KRT38: variants seen among roughly 807,000 people sequenced by gnomAD.
The protein encoded by KRT38 is keratin, type I cuticular Ha8.
In KRT38, 45 loss-of-function variants were observed where a neutral mutation model predicts 43.1. That is an observed-to-expected ratio of 1.04 (90% confidence interval 0.82 to 1.34). KRT38 has a LOEUF of 1.34. Ranked by LOEUF, KRT38 falls within the 40% of genes most tolerant of loss-of-function variation. The probability of loss-of-function intolerance (pLI) is 0.00; values close to 1 mark genes in which losing one functional copy is unlikely to be tolerated. For synonymous variants in KRT38, 258 were observed against 244.0 expected (o/e 1.06, Z -0.53); for missense variants, 627 against 586.2 (o/e 1.07, Z -0.72).
At position 41,440,511 on chromosome 17, in the gene KRT38, G is replaced by A. The variant is rs769171660; in HGVS notation, c.411C>T (p.Leu137=). ...TGGACTCGTGGCACTTGCTCCTCTC[G>A]AGGAGTGTGGCCTCCAGCTCCGCAT... ...QENAELEATL[L]ERSKCHESTV... Residue 137 remains leucine (L), a synonymous_variant, in exon 1 of 7, where the codon CTC becomes CTT. Transcript: ENST00000246646. 23 of 1,614,082 alleles carry A rather than the reference G, an allele frequency of 1.4e-5. No individual in the cohort carries two copies. The highest frequency in any genetic ancestry group is 5.0e-5 in the Admixed American group (3 of 60,008).
At chr17:41,439,124 T>C (rs2018766301) in intron 3 of KRT38, 79 bp downstream of exon 3, 1 of 1,512,548 alleles carries the variant, frequency 6.6e-7, no homozygotes, top group East Asian at 2.4e-5. Flanking sequence ...GGCCAGGCAA[T>C]GCTCTGAGAG....
Position 41,440,514 on chromosome 17 carries a change from G to A in KRT38, c.408C>T (p.Leu136=). ...EQENAELEAT[L]LERSKCHEST... is the part of the protein sequence containing the mutation. ...ACTCGTGGCACTTGCTCCTCTCGAG[G>A]AGTGTGGCCTCCAGCTCCGCATTCT... Residue 136 remains leucine (L), a synonymous_variant, in exon 1 of 7, where the codon CTC becomes CTT. Coordinates refer to ENST00000246646, the MANE Select transcript of KRT38 (RefSeq NM_006771.4). 1.9e-6 allele frequency: 3 copies of A among 1,614,228 alleles called. No individual in the cohort carries two copies. The highest frequency in any genetic ancestry group is 2.5e-6 in the Non-Finnish European group (3 of 1,180,050).
chr17:41,438,930 C>T (rs910935191), intron 3 of KRT38, 72 bp from the exon 4 acceptor site: 2 of 1,548,396 alleles, frequency 1.3e-6, no homozygotes, highest in African/African-American at 2.7e-5. Context: ...AGCACCAGGA[C>T]CCCGCCCCTG....
chr17:41,438,453 G>A (rs773501158), intron 5 of KRT38, 38 bp downstream of exon 5: 33 of 1,613,880 alleles, frequency 2.0e-5, no homozygotes, highest in East Asian at 1.1e-4. Flanking sequence ...GCCATGGCAC[G>A]GGGCATTTGC....
rs1224227180 is a variant in KRT38, at chr17:41,440,565, C to G, written c.357G>C (p.Leu119=). The G allele has an allele frequency of 6.2e-7, 1 of 1,614,232 alleles. No individual in the cohort carries two copies. The highest frequency in any genetic ancestry group is 1.7e-5 in the Admixed American group (1 of 60,026). Residue 119 remains leucine, a synonymous_variant, in exon 1 of 7, where the codon CTG becomes CTC. Coordinates refer to ENST00000246646, the MANE Select transcript of KRT38 (RefSeq NM_006771.4). The part of the protein sequence containing the change: ...QFLNDRLANY[L]EKVRQLEQEN... ...CCTGCTCCAGCTGGCGCACCTTCTC[C>G]AGGTAGTTGGCCAGGCGGTCATTCA...
At chr17:41,438,959 G>T in intron 3 of KRT38, 101 bp from the exon 4 acceptor site, 1 of 1,417,258 alleles carries the variant, frequency 7.1e-7, no homozygotes, top group Non-Finnish European at 9.7e-7. Flanking sequence ...TAGGAGGGGA[G>T]TCCCACACAC....
At chr17:41,439,446 T>G (rs2018771367) in intron 2 of KRT38, 87 bp from the exon 3 acceptor site, 2 of 1,455,528 alleles carry the variant, frequency 1.4e-6, no homozygotes, top group Non-Finnish European at 1.9e-6. Flanking sequence ...CACACCACCT[T>G]GGATCCTCAT....
At chr17:41,438,946 C>A in intron 3 of KRT38, 88 bp from the exon 4 acceptor site, 2 of 1,498,686 alleles carry the variant, frequency 1.3e-6, no homozygotes, top group South Asian at 2.5e-5. Context: ...CCCTGGCAAG[C>A]AGTAGGAGGG....
rs751992904 is a variant in KRT38, at chr17:41,440,714, G to C, written c.208C>G (p.Pro70Ala). The stretch of plus-strand genomic sequence containing the variant: ...GGACAAGCAGTGTGGCAGGTAGGCG[G>C]CAGACAGAGGCTGGGGCGGCCCAGG... ...TPLGRPSLCL[P>A]PTCHTACPLP... The change falls in exon 1 of 7, where the codon CCG (proline) becomes GCG (alanine). Residue 70 changes from proline to alanine, a missense_variant. By Grantham distance (27) the Pro-to-Ala change is conservative. Coordinates refer to ENST00000246646, the MANE Select transcript of KRT38 (RefSeq NM_006771.4). 1 of 1,614,094 alleles carries C rather than the reference G, an allele frequency of 6.2e-7. No individual in the cohort carries two copies. The highest frequency in any genetic ancestry group is 1.1e-5 in the South Asian group (1 of 91,092).
chr17:41,438,387 T>C (rs1466581099), intron 5 of KRT38, 74 bp from the exon 6 acceptor site: 4 of 1,603,832 alleles, frequency 2.5e-6, no homozygotes, highest in East Asian at 2.2e-5. Flanking sequence ...ATTTTGATGG[T>C]GATAACAGGT....
At position 41,440,702 on chromosome 17, in the gene KRT38, G is replaced by A. The variant is rs764123739; in HGVS notation, c.220C>T (p.His74Tyr). 10 of 1,614,224 alleles carry A rather than the reference G, an allele frequency of 6.2e-6. No individual in the cohort carries two copies. In the East Asian group the frequency reaches 2.0e-4, roughly 32 times the overall value. Residue 74 changes from histidine (H) to tyrosine (Y), a missense_variant, in exon 1 of 7, where the codon CAC becomes TAC. Physicochemically the swap from His to Tyr is moderately conservative, Grantham distance 83. Transcript: ENST00000246646. ...GTCCCTGGCAAGGGACAAGCAGTGT[G>A]GCAGGTAGGCGGCAGACAGAGGCTG... ...RPSLCLPPTC[H>Y]TACPLPGTCH... is the part of the protein sequence containing the mutation.
At position 41,440,855 on chromosome 17, in the gene KRT38, C is replaced by T. The variant is rs1319204702; in HGVS notation, c.67G>A (p.Val23Ile). 6 of 1,586,788 alleles carry T rather than the reference C, an allele frequency of 3.8e-6. No homozygotes were observed. The highest frequency in any genetic ancestry group is 5.1e-6 in the Non-Finnish European group (6 of 1,167,062). ...GCTMAPGARN[V>I]SVSPIDIGCQ... is the part of the protein sequence containing the mutation. ...CCAATGTCGATGGGAGAGACAGAGA[C>T]ATTTCTTGCTCCAGGAGCCATGGTG... The change falls in exon 1 of 7, where the codon GTC becomes ATC. Residue 23 changes from valine to isoleucine, a missense_variant. Coordinates refer to ENST00000246646, the MANE Select transcript of KRT38 (RefSeq NM_006771.4).
At position 41,438,689 on chromosome 17, in the gene KRT38, C is replaced by G. The variant is rs201570862; in HGVS notation, c.894+8G>C. 994 of 1,613,748 alleles carry G rather than the reference C, an allele frequency of 6.2e-4. 10 individuals carry two copies. The South Asian group carries it at 9.9e-3, about 16-fold the overall frequency. On this transcript the variant is annotated splice_region_variant and intron_variant, in intron 4 of 6. Coordinates refer to ENST00000246646, the MANE Select transcript of KRT38 (RefSeq NM_006771.4). ...GGTACCCCCTGGTTCTATACCCCCC[C>G]CACTCACCTGGGCTTGGAACCACTG... is the stretch of plus-strand genomic sequence containing the variant.
At position 41,440,432 on chromosome 17, in the gene KRT38, T is replaced by C. The variant is rs1311052012; in HGVS notation, c.490A>G (p.Lys164Glu). Residue 164 changes from lysine (K) to glutamate (E), a missense_variant and splice_region_variant, in exon 1 of 7, where the codon AAG (lysine) becomes GAG (glutamate). By Grantham distance (56) the Lys-to-Glu change is moderately conservative. Coordinates refer to ENST00000246646, the MANE Select transcript of KRT38 (RefSeq NM_006771.4). Reference protein sequence around the residue: ...YFHTIEELQQKILCSKAENAR... With the variant: ...YFHTIEELQQEILCSKAENAR... ...ACCCAAGCGATCCCACACCTCACCT[T>C]CTGTTGGAGCTCCTCGATGGTGTGG... 2 of 1,612,756 alleles carry C rather than the reference T, an allele frequency of 1.2e-6. No individual in the cohort carries two copies. The highest frequency in any genetic ancestry group is 1.3e-5 in the African/African-American group (1 of 74,888).
rs2018789030 is a variant in KRT38 at position 41,440,710 on chromosome 17, G to A, written c.212C>T (p.Pro71Leu). Residue 71 changes from proline (P) to leucine (L), a missense_variant, in exon 1 of 7, where the codon CCT (proline) becomes CTT (leucine). Pro to Leu is a moderately conservative substitution (Grantham distance 98). Coordinates refer to ENST00000246646, the MANE Select transcript of KRT38 (RefSeq NM_006771.4). ...PLGRPSLCLP[P>L]TCHTACPLPG... Reference sequence around the variant, plus strand: ...CAAGGGACAAGCAGTGTGGCAGGTAGGCGGCAGACAGAGGCTGGGGCGGCC... The same window carrying A: ...CAAGGGACAAGCAGTGTGGCAGGTAAGCGGCAGACAGAGGCTGGGGCGGCC... 1 of 1,614,236 alleles carries A rather than the reference G, an allele frequency of 6.2e-7. No individual in the cohort carries two copies.
rs2018753645 is a variant in KRT38 at position 41,438,299 on chromosome 17, C to T, written c.1035G>A (p.Gln345=). The T allele has an allele frequency of 6.2e-7, 1 of 1,613,972 alleles. No individual in the cohort carries two copies. Among genetic ancestry groups the T allele is most frequent in the African/African-American group, 1.3e-5 (1 of 74,918 alleles). Residue 345 remains glutamine, a synonymous_variant, in exon 6 of 7, where the codon CAG becomes CAA. Coordinates refer to ENST00000246646, the MANE Select transcript of KRT38 (RefSeq NM_006771.4). ...QAQHTLKDCL[Q]NSLCEAEDRF... The stretch of plus-strand genomic sequence containing the variant: ...GGTCCTCGGCTTCACACAGGGAGTT[C>T]TGCAGACAGTCCTTCTGTAGTGGGA...
chr17:41,438,717 C>G lies in KRT38; in HGVS notation c.874G>C (p.Glu292Gln). 1 of 1,614,024 alleles carries G rather than the reference C, an allele frequency of 6.2e-7. No homozygotes were observed. The highest frequency in any genetic ancestry group is 8.5e-7 in the Non-Finnish European group (1 of 1,179,986). Reference protein sequence around the residue: ...AMLETNRQDVEQWFQAQSEGI... With the variant: ...AMLETNRQDVQQWFQAQSEGI... ...CTCACCTGGGCTTGGAACCACTGTTCCACATCCTGGCGGTTGGTCTCCAAC... is the reference window on the plus strand; with the variant it reads ...CTCACCTGGGCTTGGAACCACTGTTGCACATCCTGGCGGTTGGTCTCCAAC... The change falls in exon 4 of 7, where the codon GAA becomes CAA. Residue 292 changes from glutamate (E) to glutamine (Q), a missense_variant. Physicochemically the swap from Glu to Gln is conservative, Grantham distance 29. Coordinates refer to ENST00000246646, the MANE Select transcript of KRT38 (RefSeq NM_006771.4).
rs1438018730 is a variant in KRT38, at chr17:41,437,012, A to G, written c.*400T>C. 3 of 158,564 alleles carry G rather than the reference A, an allele frequency of 1.9e-5. No individual in the cohort carries two copies. Among genetic ancestry groups the G allele is most frequent in the Non-Finnish European group, 4.1e-5 (3 of 72,674 alleles). The allele number at this position is 158,564 out of a possible 1,614,324, so 9.8% of individuals were successfully genotyped here. On this transcript the variant is annotated 3_prime_UTR_variant, in exon 7 of 7. Coordinates refer to ENST00000246646, the MANE Select transcript of KRT38 (RefSeq NM_006771.4). Reference sequence around the variant, plus strand: ...GCCAATGTTAGAAACAACCCAAGAAATGTGGGAAATCTCAGACAGTGAAGT... The same window carrying G: ...GCCAATGTTAGAAACAACCCAAGAAGTGTGGGAAATCTCAGACAGTGAAGT...
intron 2 of KRT38, among the ~76,000 whole-genome samples, chr17:41,439,570 T>A (rs1217133847): frequency 6.6e-6 from 1 of 152,184 alleles, no homozygotes; most frequent in African/African-American, 2.4e-5. Flanking sequence ...CAATATACAT[T>A]TTTGCCATTG....
Sources: gnomAD v4.1 joint callset for allele counts (sites outside exome capture counted in the v4.1 genomes callset) on GRCh38, gnomAD v4.1.1 for gene constraint, MANE v1.5 for transcripts, NCBI Gene and HGNC (gene_info 2026-07-23, HGNC 2026-07-21) for gene names.